Variants in HNMT observed in about 807,000 individuals in gnomAD.
HNMT encodes the protein histamine N-methyltransferase.
In HNMT, 30 loss-of-function variants were observed where a neutral mutation model predicts 32.1. The ratio of observed to expected loss-of-function variants is 0.93; its 90% CI spans 0.70 to 1.27. The LOEUF is 1.27. Ranked by LOEUF, HNMT falls within the 50% of genes most tolerant of loss-of-function variation. The pLI is 0.00. For missense variants in HNMT, 327 were observed against 346.0 expected (o/e 0.95, Z 0.43); for synonymous variants, 125 against 119.0 (o/e 1.05, Z -0.33).
chr2:138,009,735 G>A (rs1308894123), intron 5 of HNMT, among the ~76,000 whole-genome samples: 6 of 151,982 alleles, frequency 3.9e-5, no homozygotes, highest in Non-Finnish European at 1.5e-5. Flanking sequence ...ACTACTCATT[G>A]TTTTCTTTCA....
chr2:138,003,578 G>A (rs573685852), intron 4 of HNMT, among the ~76,000 whole-genome samples: 3 of 152,132 alleles, frequency 2.0e-5, no homozygotes, highest in South Asian at 2.1e-4. Flanking sequence ...AGGATGCCAA[G>A]ATATTTCTCT....
intron 1 of HNMT, among the ~76,000 whole-genome samples, chr2:137,969,770 AAG>A (rs1414692757): frequency 6.6e-6 from 1 of 152,184 alleles, no homozygotes; most frequent in Non-Finnish European, 1.5e-5. Context: ...AGGTTAAAAA[AAG>A]GGGGAGGAAA....
Position 138,015,753 on chromosome 2 carries a change from CAGA to C in HNMT, c.*1626_*1628del, listed in dbSNP as rs1290999447. On this transcript the variant is annotated 3_prime_UTR_variant, in exon 6 of 6. Coordinates refer to ENST00000280097, the MANE Select transcript of HNMT (RefSeq NM_006895.3). ...CCATGAAGACCTTGAAGAGCTTCAC[CAGA>C]AGTATGGAAATCAAGACTTTACAGA... The C allele has an allele frequency of 2.6e-5, 4 of 152,094 alleles. 1 individual carries two copies. Among genetic ancestry groups the C allele is most frequent in the Admixed American group, 6.6e-5 (1 of 15,266 alleles). The allele number at this position is 152,094 out of a possible 1,614,324, so 9.4% of individuals were successfully genotyped here.
chr2:137,966,951 A>G, intron 1 of HNMT: 1 of 651,010 alleles, frequency 1.5e-6, no homozygotes, highest in East Asian at 2.7e-5. Flanking sequence ...TAAGAACTTT[A>G]AGAGTGAACG....
At chr2:137,974,440 T>C (rs904673717) in intron 2 of HNMT, among the ~76,000 whole-genome samples, 1 of 152,088 alleles carries the variant, frequency 6.6e-6, no homozygotes, top group Non-Finnish European at 1.5e-5. Flanking sequence ...CTCTAATGAG[T>C]GTTGTCTTCA....
chr2:137,998,421 G>A (rs1056673868), intron 2 of HNMT, among the ~76,000 whole-genome samples: 1 of 152,070 alleles, frequency 6.6e-6, no homozygotes, highest in Non-Finnish European at 1.5e-5. Context: ...TGGACACTAA[G>A]TCAACAGGTA....
At chr2:137,976,440 G>A (rs1054300579) in intron 2 of HNMT, among the ~76,000 whole-genome samples, 7 of 152,152 alleles carry the variant, frequency 4.6e-5, no homozygotes, top group Admixed American at 2.0e-4. Context: ...GCCATCAAAC[G>A]TGCTTTCAGT....
chr2:137,970,304 T>A, intron 2 of HNMT, 87 bp downstream of exon 2: 1 of 643,442 alleles, frequency 1.6e-6, no homozygotes, highest in Non-Finnish European at 2.6e-6. Context: ...TAGGAAGACT[T>A]TTTTTTTTTG....
In HNMT at chr2:137,976,627, C is replaced by T. The variant is rs143321205; in HGVS notation, c.190+6410C>T. Among the ~76,000 whole-genome samples, 152 of 152,192 alleles carry T rather than the reference C, an allele frequency of 1.0e-3. 1 individual carries two copies. The highest frequency in any genetic ancestry group is 3.4e-3 in the Middle Eastern group (1 of 294). Reference sequence around the variant, plus strand: ...GCTTATAACTAAAAATGAGTAAAAACTAGTACTTATATGCAGCATCATAGC... The same window carrying T: ...GCTTATAACTAAAAATGAGTAAAAATTAGTACTTATATGCAGCATCATAGC... On this transcript the variant is annotated intron_variant, in intron 2 of 5. Transcript: ENST00000280097.
intron 2 of HNMT, among the ~76,000 whole-genome samples, chr2:137,976,622 A>G (rs995246432): frequency 6.6e-6 from 1 of 152,202 alleles, no homozygotes; most frequent in South Asian, 2.1e-4. Flanking sequence ...AAAAATGAGT[A>G]AAAACTAGTA....
At chr2:138,010,482 C>CACAG (rs1553435898) in intron 5 of HNMT, among the ~76,000 whole-genome samples, 14 of 134,352 alleles carry the variant, frequency 1.0e-4, no homozygotes, top group South Asian at 2.7e-4. Flanking sequence ...CACACACACA[C>CACAG]AGCAAATGGA....
At chr2:138,009,627 G>A (rs1331162949) in intron 5 of HNMT, among the ~76,000 whole-genome samples, 1 of 151,948 alleles carries the variant, frequency 6.6e-6, no homozygotes, top group East Asian at 1.9e-4. Context: ...ATCAAGTCTA[G>A]TTTCCAACAT....
rs547585626 is a variant in HNMT, at chr2:137,970,717, G to A, written c.190+500G>A. Among the ~76,000 whole-genome samples, 194 of 152,006 alleles carry A rather than the reference G, an allele frequency of 1.3e-3. 1 individual carries two copies. Among genetic ancestry groups the A allele is most frequent in the African/African-American group, 4.6e-3 (189 of 41,474 alleles). ...GGGCGGATCACGAGGTCAGGAGATC[G>A]AGACCATCCTGGCTAACGCGGTGAA... On this transcript the variant is annotated intron_variant, in intron 2 of 5. Coordinates refer to ENST00000280097, the MANE Select transcript of HNMT (RefSeq NM_006895.3).
At chr2:137,968,297 A>G (rs1015996703) in intron 1 of HNMT, among the ~76,000 whole-genome samples, 4 of 152,202 alleles carry the variant, frequency 2.6e-5, no homozygotes, top group East Asian at 3.8e-4. Context: ...TGTCATTATA[A>G]TATGTGAAAT....
chr2:138,000,355 G>T (rs1436791488), intron 2 of HNMT, among the ~76,000 whole-genome samples: 1 of 151,974 alleles, frequency 6.6e-6, no homozygotes, highest in Non-Finnish European at 1.5e-5. Context: ...AACTGAGCCA[G>T]GGCTATTTCT....
chr2:138,013,508 T>G (rs1681572452), intron 5 of HNMT, among the ~76,000 whole-genome samples: 2 of 152,122 alleles, frequency 1.3e-5, no homozygotes, highest in East Asian at 3.9e-4. Context: ...GTCAGGTTAT[T>G]AGACAGACTC....
intron 1 of HNMT, among the ~76,000 whole-genome samples, chr2:137,965,779 A>G (rs1454401632): frequency 1.8e-4 from 27 of 152,290 alleles, no homozygotes; most frequent in Non-Finnish European, 5.9e-5. Flanking sequence ...TTTCAGTACT[A>G]AAAGTATTTG....
intron 1 of HNMT, among the ~76,000 whole-genome samples, chr2:137,968,369 T>C (rs1425694746): frequency 2.0e-5 from 3 of 152,232 alleles, no homozygotes; most frequent in African/African-American, 4.8e-5. Flanking sequence ...TTAATTCACA[T>C]AAATCACTTA....
intron 2 of HNMT, among the ~76,000 whole-genome samples, chr2:137,970,939 AAGAAAGAAAGAAAGAAAG>A (rs1680113907): frequency 2.8e-4 from 2 of 7,214 alleles, no homozygotes; most frequent in African/African-American, 4.2e-4. Context: ...AAAAAAAAGA[AAGAAAGAAAGAAAGAAAG>A]AAAGAAAGAA....
Sources: gnomAD v4.1 joint callset for allele counts (sites outside exome capture counted in the v4.1 genomes callset) on GRCh38, gnomAD v4.1.1 for gene constraint, MANE v1.5 for transcripts, NCBI Gene and HGNC (gene_info 2026-07-23, HGNC 2026-07-21) for gene names.